Variants in GALNT13 observed in about 807,000 individuals in gnomAD.
The protein encoded by GALNT13 is polypeptide N-acetylgalactosaminyltransferase 13.
GALNT13 carries 28 observed loss-of-function variants against 64.2 expected under a neutral mutation model. That is an observed-to-expected ratio of 0.44 (90% CI 0.32 to 0.60). GALNT13 has a LOEUF of 0.60. Ranked by LOEUF, GALNT13 falls within the 20% of genes least tolerant of loss-of-function variation. The pLI is 0.05. For synonymous variants in GALNT13, 214 were observed against 224.6 expected (o/e 0.95, Z 0.42); for missense variants, 577 against 669.8 (o/e 0.86, Z 1.53).
intron 2 of GALNT13, among the ~76,000 whole-genome samples, chr2:153,944,013 C>T (rs1691532922): frequency 6.6e-6 from 1 of 151,992 alleles, no homozygotes; most frequent in African/African-American, 2.4e-5. Context: ...ATATTGTATC[C>T]CAGGATGATT....
chr2:154,058,811 T>C (rs1700030828), intron 3 of GALNT13, among the ~76,000 whole-genome samples: 1 of 152,190 alleles, frequency 6.6e-6, no homozygotes, highest in South Asian at 2.1e-4. Flanking sequence ...TTATAGATTT[T>C]AGGTTTTACT....
chr2:153,621,973 A>G, the GALNT13 span, among the ~76,000 whole-genome samples: 2 of 151,950 alleles, frequency 1.3e-5, no homozygotes, highest in Non-Finnish European at 2.9e-5. Context: ...TAGTTTAGTA[A>G]AAAAATGTGT....
chr2:153,110,019 C>G, the GALNT13 span, among the ~76,000 whole-genome samples: 2 of 152,044 alleles, frequency 1.3e-5, no homozygotes, highest in African/African-American at 2.4e-5. Flanking sequence ...TGTTTTATCT[C>G]TGTGTTGAGA....
At chr2:153,192,185 A>G in the GALNT13 span, among the ~76,000 whole-genome samples, 113 of 151,868 alleles carry the variant, frequency 7.4e-4, no homozygotes, top group African/African-American at 2.6e-3. Context: ...TGTTGTTATA[A>G]ACTTCTATCT....
the GALNT13 span, among the ~76,000 whole-genome samples, chr2:153,402,694 A>G: frequency 1.3e-5 from 2 of 151,938 alleles, no homozygotes; most frequent in East Asian, 1.9e-4. Flanking sequence ...TCCATTGCTG[A>G]TACCCTTTCT....
chr2:154,236,089 G>T lies in GALNT13; in HGVS notation c.312-5941G>T, dbSNP rs1425321114. 4.2e-6 allele frequency: 5 copies of T among 1,196,318 alleles called. No individual in the cohort carries two copies. In the South Asian group the frequency reaches 6.3e-5, roughly 15 times the overall value. The allele number at this position is 1,196,318 out of a possible 1,614,324, so 74.1% of individuals were successfully genotyped here. ...AGCATTAGTGTACATCCAGATGACA[G>T]AAGAGATTGTAAAAGAAGTGGAGAA... On this transcript the variant is annotated intron_variant, in intron 4 of 12. Coordinates refer to ENST00000392825, the MANE Select transcript of GALNT13 (RefSeq NM_052917.4).
In GALNT13 at chr2:154,294,178, T is replaced by C. The variant is rs139295467; in HGVS notation, c.976-7231T>C. ...CAGGCAAAACATGAGCCAGTATCCA[T>C]TGAGTTATGGAACAGTTGCCACCAC... is the stretch of plus-strand genomic sequence containing the variant. On this transcript the variant is annotated intron_variant, in intron 8 of 12. Coordinates refer to ENST00000392825, the MANE Select transcript of GALNT13 (RefSeq NM_052917.4). 1.3e-4 allele frequency among the ~76,000 whole-genome samples: 20 copies of C among 152,324 alleles called. No individual in the cohort carries two copies. In the East Asian group the frequency reaches 3.5e-3, roughly 26 times the overall value.
chr2:153,126,327 TA>T, the GALNT13 span, among the ~76,000 whole-genome samples: 23 of 102,988 alleles, frequency 2.2e-4, 1 homozygote, highest in African/African-American at 9.4e-4. Context: ...TATATATATA[TA>T]TATATATATA....
At chr2:153,582,389 T>C in the GALNT13 span, among the ~76,000 whole-genome samples, 1 of 152,134 alleles carries the variant, frequency 6.6e-6, no homozygotes, top group East Asian at 1.9e-4. Context: ...GTTGAACCAT[T>C]CAAATACCTG....
At chr2:153,948,173 G>A (rs531096023) in intron 3 of GALNT13, among the ~76,000 whole-genome samples, 3 of 151,228 alleles carry the variant, frequency 2.0e-5, no homozygotes, top group South Asian at 4.2e-4. Context: ...GCTTTTTTTG[G>A]TTTCATATGA....
rs5835495 is a variant in GALNT13 at position 153,993,695 on chromosome 2, C to CAAAAA, written c.142+49070_142+49074dup. ...TGGGCGACAGAGCAAGACTCCATCT[C>CAAAAA]AAAAAAAAAAAAAAAAAAGATAAAT... is the stretch of plus-strand genomic sequence containing the variant. On this transcript the variant is annotated intron_variant, in intron 3 of 12. Coordinates refer to ENST00000392825, the MANE Select transcript of GALNT13 (RefSeq NM_052917.4). Among the ~76,000 whole-genome samples the CAAAAA allele has an allele frequency of 5.7e-5, 6 of 105,140 alleles. No individual in the cohort carries two copies. The East Asian group carries it at 1.3e-3, about 23-fold the overall frequency. 69.0% of individuals were successfully genotyped at this position (105,140 alleles called of 152,430 possible).
chr2:154,028,387 T>G (rs1013344643), intron 3 of GALNT13, among the ~76,000 whole-genome samples: 2 of 152,152 alleles, frequency 1.3e-5, no homozygotes, highest in Non-Finnish European at 2.9e-5. Context: ...TTGATTGTTT[T>G]CTTTTGTTAT....
At chr2:153,587,785 C>T in the GALNT13 span, among the ~76,000 whole-genome samples, 1 of 152,204 alleles carries the variant, frequency 6.6e-6, no homozygotes, top group African/African-American at 2.4e-5. Flanking sequence ...CCCCTAAAGT[C>T]TTAACTCATT....
chr2:154,016,163 G>A (rs1377713952), intron 3 of GALNT13, among the ~76,000 whole-genome samples: 3 of 152,172 alleles, frequency 2.0e-5, no homozygotes, highest in African/African-American at 4.8e-5. Flanking sequence ...AATACCTTAA[G>A]TCTAACTTAA....
At chr2:154,106,464 T>C (rs1702620736) in intron 3 of GALNT13, among the ~76,000 whole-genome samples, 1 of 152,068 alleles carries the variant, frequency 6.6e-6, no homozygotes, top group Non-Finnish European at 1.5e-5. Flanking sequence ...TCATATTACT[T>C]CTTTGTAAAA....
At chr2:154,152,677 C>A (rs183014025) in intron 4 of GALNT13, among the ~76,000 whole-genome samples, 17 of 152,102 alleles carry the variant, frequency 1.1e-4, no homozygotes, top group Non-Finnish European at 2.2e-4. Flanking sequence ...TCATTTCATT[C>A]ATTTCATCTT....
chr2:153,608,123 A>G, the GALNT13 span, among the ~76,000 whole-genome samples: 1 of 152,080 alleles, frequency 6.6e-6, no homozygotes, highest in Non-Finnish European at 1.5e-5. Flanking sequence ...TCAGACTCTG[A>G]AAGCCTTCCA....
the GALNT13 span, among the ~76,000 whole-genome samples, chr2:153,842,232 A>C: frequency 1.3e-5 from 2 of 152,198 alleles, no homozygotes; most frequent in Non-Finnish European, 2.9e-5. Flanking sequence ...TGAGCCCAAC[A>C]TTCTTTATCC....
At chr2:154,130,252 C>T (rs1043283218) in intron 3 of GALNT13, among the ~76,000 whole-genome samples, 6 of 151,978 alleles carry the variant, frequency 3.9e-5, no homozygotes, top group African/African-American at 1.5e-4. Flanking sequence ...TCTTCTGTCT[C>T]CTAATACTCC....
Sources: gnomAD v4.1 joint callset for allele counts (sites outside exome capture counted in the v4.1 genomes callset) on GRCh38, gnomAD v4.1.1 for gene constraint, MANE v1.5 for transcripts, NCBI Gene and HGNC (gene_info 2026-07-23, HGNC 2026-07-21) for gene names.